Variants in COPG2 observed in about 807,000 individuals in gnomAD.
The protein encoded by COPG2 is coatomer subunit gamma-2.
In COPG2, 37 loss-of-function variants were observed where a neutral mutation model predicts 46.3. That is an observed-to-expected ratio of 0.80 (90% confidence interval 0.61 to 1.05). The LOEUF (loss-of-function observed/expected upper bound fraction) is 1.05. COPG2 is among the 50% of genes least tolerant of loss of function. COPG2 has a pLI of 0.00. For synonymous variants in COPG2, 159 were observed against 129.7 expected, an observed-to-expected ratio of 1.23 and a Z score of -1.53; for missense variants, 427 against 387.8, an observed-to-expected ratio of 1.10 and a Z score of -0.85.
intron 5 of COPG2, among the ~76,000 whole-genome samples, chr7:130,648,093 A>C (rs569946889): frequency 6.6e-6 from 1 of 152,072 alleles, no homozygotes; most frequent in African/African-American, 2.4e-5. Flanking sequence ...CATTGTGCTT[A>C]TTGGCCATTT....
chr7:130,532,815 C>T (rs956447475), intron 20 of COPG2, among the ~76,000 whole-genome samples: 2 of 152,072 alleles, frequency 1.3e-5, no homozygotes, highest in African/African-American at 2.4e-5. Context: ...GTACGTGTGA[C>T]GCAGAGATGA....
intron 20 of COPG2, among the ~76,000 whole-genome samples, chr7:130,542,432 G>A (rs1793348204): frequency 6.6e-6 from 1 of 152,058 alleles, no homozygotes; most frequent in African/African-American, 2.4e-5. Flanking sequence ...GAGAATACAG[G>A]ACGGTTAGGG....
chr7:130,649,525 T>C lies in COPG2; in HGVS notation c.323+3344A>G, dbSNP rs200297997. ...TCCTCCTTTCCATGTAATTGCAGTA[T>C]ACAAGCCTGATGAGCTTTCTGCCAC... On this transcript the variant is annotated intron_variant, in intron 5 of 23. Coordinates refer to ENST00000425248, the MANE Select transcript of COPG2 (RefSeq NM_012133.6). Among the ~76,000 whole-genome samples the C allele has an allele frequency of 8.5e-5, 13 of 152,326 alleles. No homozygotes were observed. The East Asian group carries it at 2.1e-3, about 25-fold the overall frequency.
intron 9 of COPG2, among the ~76,000 whole-genome samples, chr7:130,580,488 C>A (rs1554446939): frequency 6.4e-5 from 8 of 125,968 alleles, no homozygotes; most frequent in South Asian, 5.9e-4. Flanking sequence ...CAAGAAATAA[C>A]TAAAATCAGA....
At chr7:130,645,220 G>A in intron 5 of COPG2, 1 of 700,404 alleles carries the variant, frequency 1.4e-6, no homozygotes. Context: ...GAGCTACTCG[G>A]CTGTGTGAGA....
At chr7:130,629,820 ATTCT>A (rs1563064698) in intron 5 of COPG2, among the ~76,000 whole-genome samples, 1 of 151,872 alleles carries the variant, frequency 6.6e-6, no homozygotes, top group Admixed American at 6.6e-5. Context: ...AGGTACATTT[ATTCT>A]TTCTTTGGCT....
intron 3 of COPG2, among the ~76,000 whole-genome samples, chr7:130,665,372 T>C (rs1413544019): frequency 6.6e-6 from 1 of 152,194 alleles, no homozygotes; most frequent in Non-Finnish European, 1.5e-5. Context: ...TATATATGTA[T>C]GTTTTATGTG....
At chr7:130,555,784 C>T (rs1793612960) in intron 12 of COPG2, among the ~76,000 whole-genome samples, 2 of 151,964 alleles carry the variant, frequency 1.3e-5, no homozygotes, top group Non-Finnish European at 2.9e-5. Flanking sequence ...CAGTTGAGAT[C>T]GCACCACTGC....
chr7:130,553,471 T>C (rs1442843417), intron 14 of COPG2, among the ~76,000 whole-genome samples: 3 of 151,854 alleles, frequency 2.0e-5, no homozygotes, highest in Admixed American at 1.3e-4. Flanking sequence ...TGAAGAAATA[T>C]TAAGGAGACA....
chr7:130,578,008 G>GGCCT (rs1271986326), intron 9 of COPG2, among the ~76,000 whole-genome samples: 4 of 152,238 alleles, frequency 2.6e-5, no homozygotes, highest in Admixed American at 6.5e-5. Context: ...AGCTCAAGGA[G>GGCCT]GCCTGCCTGC....
chr7:130,636,585 T>C (rs1554456315), intron 5 of COPG2, among the ~76,000 whole-genome samples: 1 of 142,158 alleles, frequency 7.0e-6, no homozygotes, highest in Non-Finnish European at 1.5e-5. Flanking sequence ...GTAAATATTC[T>C]TCCATCCCTT....
At chr7:130,538,787 A>G (rs1469006387) in intron 20 of COPG2, among the ~76,000 whole-genome samples, 1 of 152,130 alleles carries the variant, frequency 6.6e-6, no homozygotes, top group Non-Finnish European at 1.5e-5. Flanking sequence ...CCTAGTGACC[A>G]CTGAGTCTGA....
At chr7:130,587,853 G>C (rs1584985641) in intron 9 of COPG2, among the ~76,000 whole-genome samples, 1 of 152,122 alleles carries the variant, frequency 6.6e-6, no homozygotes, top group Non-Finnish European at 1.5e-5. Context: ...AGAGTGAATA[G>C]GCAACCTACA....
chr7:130,509,879 TA>T (rs1563032640), intron 20 of COPG2: 1 of 487,834 alleles, frequency 2.0e-6, no homozygotes, highest in Non-Finnish European at 4.1e-6. Flanking sequence ...TGTGAAACGA[TA>T]TAATAGTTTA....
intron 6 of COPG2, 109 bp downstream of exon 6, chr7:130,616,881 T>C (rs1433915209): frequency 7.7e-6 from 5 of 647,758 alleles, no homozygotes; most frequent in East Asian, 2.8e-5. Flanking sequence ...ATGTTTCTCT[T>C]ATACTGAAAA....
intron 9 of COPG2, chr7:130,564,603 C>T: frequency 2.7e-6 from 1 of 374,260 alleles, no homozygotes; most frequent in Admixed American, 4.5e-5. Flanking sequence ...CAAAGATTTG[C>T]AACAATCCTG....
intron 20 of COPG2, among the ~76,000 whole-genome samples, chr7:130,532,574 T>G (rs1584965126): frequency 6.8e-6 from 1 of 147,742 alleles, no homozygotes; most frequent in Non-Finnish European, 1.5e-5. Context: ...AGGAGGAGGG[T>G]GGGGGGAGAT....
chr7:130,599,701 G>T (rs1794598591), intron 9 of COPG2, among the ~76,000 whole-genome samples: 1 of 151,726 alleles, frequency 6.6e-6, no homozygotes, highest in African/African-American at 2.4e-5. Context: ...TTCAAAACAA[G>T]GCAAAACTAA....
At chr7:130,572,485 T>C (rs1360741517) in intron 9 of COPG2, among the ~76,000 whole-genome samples, 1 of 152,070 alleles carries the variant, frequency 6.6e-6, no homozygotes, top group Non-Finnish European at 1.5e-5. Flanking sequence ...TCTCAATACA[T>C]TTAAAATGAC....
Sources: allele counts gnomAD v4.1 joint callset (sites outside exome capture counted in the v4.1 genomes callset), GRCh38; gene constraint gnomAD v4.1.1; transcripts MANE v1.5; gene names NCBI Gene and HGNC (gene_info 2026-07-23, HGNC 2026-07-21).